ZNF71: variants seen among roughly 807,000 people sequenced by gnomAD.
The protein encoded by ZNF71 is zinc finger protein 71.
A neutral mutation model predicts 6.7 loss-of-function variants in ZNF71; 3 were observed. That is an observed-to-expected ratio of 0.45 (90% CI 0.20 to 1.16). The LOEUF is 1.16. Among genes scored for constraint, ZNF71 ranks in the 50% most tolerant of loss-of-function variants. ZNF71 has a pLI of 0.25. For missense variants in ZNF71, 688 were observed against 728.6 expected, an observed-to-expected ratio of 0.94 and a Z score of 0.64; for synonymous variants, 343 against 311.1, an observed-to-expected ratio of 1.10 and a Z score of -1.08.
At chr19:56,595,530 G>C (rs939871085) in intron 1 of ZNF71, 102 bp downstream of exon 1, 2 of 160,882 alleles carry the variant, frequency 1.2e-5, no homozygotes, top group Non-Finnish European at 2.7e-5. Context: ...GAGCGGCCGA[G>C]GAGAGGCTGA....
intron 3 of ZNF71, among the ~76,000 whole-genome samples, chr19:56,614,201 T>G (rs1308166347): frequency 6.6e-6 from 1 of 152,342 alleles, no homozygotes; most frequent in East Asian, 1.9e-4. Context: ...ACCAAACTTA[T>G]GAGCTGGTGA....
Position 56,603,611 on chromosome 19 carries a change from C to T in ZNF71, c.33+2020C>T, listed in dbSNP as rs145576441. 1.0e-3 allele frequency among the ~76,000 whole-genome samples: 152 copies of T among 152,284 alleles called. 1 individual carries two copies. The highest frequency in any genetic ancestry group is 3.5e-3 in the African/African-American group (146 of 41,568). ...GTGGAATGTTGGGTCATATGGTTAACTCTGTTGAACCAGTAAAGGAACCAC... is the reference window on the plus strand; with the variant it reads ...GTGGAATGTTGGGTCATATGGTTAATTCTGTTGAACCAGTAAAGGAACCAC... On this transcript the variant is annotated intron_variant, in intron 2 of 3. Transcript: ENST00000599599. The surrounding 1 kb of genome is among the most constrained non-coding windows in gnomAD (Gnocchi z 4.6).
chr19:56,603,802 A>G lies in ZNF71; in HGVS notation c.33+2211A>G, dbSNP rs1273440552. 6.7e-6 allele frequency among the ~76,000 whole-genome samples: 1 copy of G among 148,314 alleles called. No homozygotes were observed. Among genetic ancestry groups the G allele is most frequent in the African/African-American group, 2.5e-5 (1 of 40,042 alleles). ...GTTTAAGTTTTTTTTTTTTTTAATT[A>G]CTACTAGTGTAATTACATTCAATTT... On this transcript the variant is annotated intron_variant, in intron 2 of 3. Transcript: ENST00000599599. The surrounding 1 kb of genome is among the most constrained non-coding windows in gnomAD (Gnocchi z 4.6).
intron 3 of ZNF71, 49 bp from the exon 4 acceptor site, chr19:56,621,219 A>G: frequency 1.3e-6 from 2 of 1,504,922 alleles, no homozygotes; most frequent in South Asian, 1.4e-5. Flanking sequence ...CCTCACTCCC[A>G]GCATCTTTAA....
rs2044869726 is a variant in ZNF71 at position 56,622,595 on chromosome 19, G to A, written c.1488G>A (p.Lys496=). ...ACCAGCGGATCCACACCGGCGAGAA[G>A]CCGTACAGGTGCGGCCAGTGCGGGA... The part of the protein sequence containing the change: ...IEHQRIHTGE[K]PYRCGQCGKS... The change falls in exon 4 of 4, where the codon AAG becomes AAA. Residue 496 remains lysine, a synonymous_variant. Transcript: ENST00000599599. 1 of 1,613,570 alleles carries A rather than the reference G, an allele frequency of 6.2e-7. No homozygotes were observed. Among genetic ancestry groups the A allele is most frequent in the South Asian group, 1.1e-5 (1 of 91,050 alleles).
chr19:56,622,606 G>A lies in ZNF71; in HGVS notation c.1499G>A (p.Cys500Tyr). ...RIHTGEKPYR[C>Y]GQCGKSFIKN... Reference sequence around the variant, plus strand: ...CACACCGGCGAGAAGCCGTACAGGTGCGGCCAGTGCGGGAAGTCCTTCATC... The same window carrying A: ...CACACCGGCGAGAAGCCGTACAGGTACGGCCAGTGCGGGAAGTCCTTCATC... The change falls in exon 4 of 4, where the codon TGC becomes TAC. Residue 500 changes from cysteine (C) to tyrosine (Y), a missense_variant. Coordinates refer to ENST00000599599, the MANE Select transcript of ZNF71 (RefSeq NM_001370215.1). 6.2e-7 allele frequency: 1 copy of A among 1,613,710 alleles called. No individual in the cohort carries two copies. The highest frequency in any genetic ancestry group is 2.2e-5 in the East Asian group (1 of 44,866).
intron 2 of ZNF71, chr19:56,610,073 C>T (rs746383234): frequency 3.3e-5 from 5 of 152,198 alleles, no homozygotes; most frequent in Non-Finnish European, 5.9e-5. Flanking sequence ...GGGACTATTG[C>T]GAGTAACATT....
Position 56,621,606 on chromosome 19 carries a change from C to T in ZNF71, c.499C>T (p.Arg167Cys), listed in dbSNP as rs367626222. ...TEKGACPPVR[R>C]GKNFSSTSDL... ...AAAGGGGGCCTGTCCACCCGTAAGG[C>T]GTGGCAAGAACTTCTCCAGCACTTC... Residue 167 changes from arginine to cysteine, a missense_variant, in exon 4 of 4, where the codon CGT (arginine) becomes TGT (cysteine). By Grantham distance (180) the Arg-to-Cys change is radical. Coordinates refer to ENST00000599599, the MANE Select transcript of ZNF71 (RefSeq NM_001370215.1). The T allele has an allele frequency of 1.2e-5, 19 of 1,614,184 alleles. No homozygotes were observed. Among genetic ancestry groups the T allele is most frequent in the East Asian group, 2.2e-5 (1 of 44,890 alleles).
At chr19:56,612,504 A>G (rs1255892725) in intron 2 of ZNF71, among the ~76,000 whole-genome samples, 2 of 152,216 alleles carry the variant, frequency 1.3e-5, no homozygotes, top group Admixed American at 6.5e-5. Context: ...GGCCATTATC[A>G]TAAGTTAAGT....
chr19:56,596,105 T>G (rs2044620748), intron 1 of ZNF71, among the ~76,000 whole-genome samples: 1 of 151,998 alleles, frequency 6.6e-6, no homozygotes, highest in Non-Finnish European at 1.5e-5. Context: ...TGTCCTTGTC[T>G]TTGGTGTTGT....
chr19:56,606,674 CT>C (rs970744317), intron 2 of ZNF71, among the ~76,000 whole-genome samples: 76 of 149,324 alleles, frequency 5.1e-4, no homozygotes, highest in Non-Finnish European at 8.5e-4. Flanking sequence ...TGGTGGGCAT[CT>C]TTTTTTTTTC....
At chr19:56,610,509 T>C (rs1041739663) in intron 2 of ZNF71, 1 of 152,226 alleles carries the variant, frequency 6.6e-6, no homozygotes, top group Non-Finnish European at 1.5e-5. Context: ...TGACCTGATT[T>C]ATCCAAACCC....
Position 56,622,964 on chromosome 19 carries a change from C to T in ZNF71, c.*207C>T, listed in dbSNP as rs1360606056. 1.5e-6 allele frequency: 1 copy of T among 667,302 alleles called. No homozygotes were observed. Among genetic ancestry groups the T allele is most frequent in the East Asian group, 2.8e-5 (1 of 36,090 alleles). 41.3% of individuals were successfully genotyped at this position (667,302 alleles called of 1,614,324 possible). On this transcript the variant is annotated 3_prime_UTR_variant, in exon 4 of 4. Coordinates refer to ENST00000599599, the MANE Select transcript of ZNF71 (RefSeq NM_001370215.1). ...AGAAAGCAAGCCCCTCGGTGTCTGA[C>T]GTATCTGGGGACACTTCAAGGTTCA...
chr19:56,622,172 G>C lies in ZNF71; in HGVS notation c.1065G>C (p.Glu355Asp). The C allele has an allele frequency of 6.2e-7, 1 of 1,613,904 alleles. No homozygotes were observed. Among genetic ancestry groups the C allele is most frequent in the Non-Finnish European group, 8.5e-7 (1 of 1,179,912 alleles). ...LTEHQRTHTG[E>D]KPYACKECGK... Reference sequence around the variant, plus strand: ...AGCACCAGCGCACGCACACCGGGGAGAAGCCGTACGCCTGCAAGGAGTGCG... The same window carrying C: ...AGCACCAGCGCACGCACACCGGGGACAAGCCGTACGCCTGCAAGGAGTGCG... Residue 355 changes from glutamate (E) to aspartate (D), a missense_variant, in exon 4 of 4, where the codon GAG becomes GAC. By Grantham distance (45) the Glu-to-Asp change is conservative (BLOSUM62 2). Coordinates refer to ENST00000599599, the MANE Select transcript of ZNF71 (RefSeq NM_001370215.1).
At chr19:56,611,892 C>T (rs2044754482) in intron 2 of ZNF71, among the ~76,000 whole-genome samples, 1 of 152,244 alleles carries the variant, frequency 6.6e-6, no homozygotes, top group South Asian at 2.1e-4. Context: ...TGGCAAGTTC[C>T]CTGACTTGTG....
intron 3 of ZNF71, among the ~76,000 whole-genome samples, chr19:56,617,112 G>GTTTTGTTTTTTTTTTTTTTTTTTT (rs1555776017): frequency 7.1e-6 from 1 of 140,646 alleles, no homozygotes. Context: ...ATTTTCTTTT[G>GTTTTGTTTTTTTTTTTTTTTTTTT]TTTTTTTTTG....
rs112759505 is a variant in ZNF71, at chr19:56,603,591, A to G, written c.33+2000A>G. 2.1e-3 allele frequency among the ~76,000 whole-genome samples: 323 copies of G among 152,296 alleles called. 3 individuals carry two copies. The highest frequency in any genetic ancestry group is 3.3e-3 in the Non-Finnish European group (226 of 68,030). The stretch of plus-strand genomic sequence containing the variant: ...TCTTAGGTGTGTACCTGGAAGTGGA[A>G]TGTTGGGTCATATGGTTAACTCTGT... On this transcript the variant is annotated intron_variant, in intron 2 of 3. Coordinates refer to ENST00000599599, the MANE Select transcript of ZNF71 (RefSeq NM_001370215.1). This position sits in a 1 kb window ranked among gnomAD's most constrained non-coding sequence, Gnocchi z 4.6.
intron 2 of ZNF71, among the ~76,000 whole-genome samples, chr19:56,611,446 C>T (rs1438820369): frequency 6.6e-6 from 1 of 152,124 alleles, no homozygotes; most frequent in Non-Finnish European, 1.5e-5. Flanking sequence ...GCCTTGGTTT[C>T]TTTTATCTCT....
chr19:56,617,112 G>GC (rs1555776018), intron 3 of ZNF71, among the ~76,000 whole-genome samples: 2 of 140,646 alleles, frequency 1.4e-5, no homozygotes, highest in Admixed American at 7.2e-5. Context: ...ATTTTCTTTT[G>GC]TTTTTTTTTG....
Sources: gnomAD v4.1 joint callset for allele counts (sites outside exome capture counted in the v4.1 genomes callset) on GRCh38, gnomAD v4.1.1 for gene constraint, Gnocchi (gnomAD v3.1) non-coding constraint, MANE v1.5 for transcripts, NCBI Gene and HGNC (gene_info 2026-07-23, HGNC 2026-07-21) for gene names.